MIPOL1: variants seen among roughly 807,000 people sequenced by gnomAD.
The protein encoded by MIPOL1 is mirror-image polydactyly gene 1 protein.
MIPOL1 carries 57 observed loss-of-function variants against 60.9 expected under a neutral mutation model. The ratio of observed to expected loss-of-function variants is 0.94; its 90% CI spans 0.76 to 1.17. MIPOL1 has a LOEUF of 1.17. Among genes scored for constraint, MIPOL1 ranks in the 50% most tolerant of loss-of-function variants. The pLI is 0.00. For missense variants in MIPOL1, 551 were observed against 511.6 expected (o/e 1.08, Z -0.74); for synonymous variants, 179 against 168.8 (o/e 1.06, Z -0.47).
At chr14:37,330,051 A>G (rs1205553248) in intron 9 of MIPOL1, among the ~76,000 whole-genome samples, 1 of 152,060 alleles carries the variant, frequency 6.6e-6, no homozygotes, top group Non-Finnish European at 1.5e-5. Context: ...CTTAGAAATA[A>G]ATGCTTTTGC....
Position 37,457,124 on chromosome 14 carries a change from C to G in MIPOL1, c.1031+34175C>G, listed in dbSNP as rs1004029578. On this transcript the variant is annotated intron_variant, in intron 11 of 12. Coordinates refer to ENST00000684589, the MANE Select transcript of MIPOL1 (RefSeq NM_001388067.1). ...AGCATTTGTTATAAAGAATTGGCAT[C>G]TGGGGACTTTGGTGTAGAGTATACA... Among the ~76,000 whole-genome samples, 3 of 152,068 alleles carry G rather than the reference C, an allele frequency of 2.0e-5. 1 individual carries two copies. The highest frequency in any genetic ancestry group is 4.1e-4 in the South Asian group (2 of 4,832).
intron 3 of MIPOL1, among the ~76,000 whole-genome samples, chr14:37,254,101 G>A (rs1476132512): frequency 6.6e-6 from 1 of 151,724 alleles, no homozygotes; most frequent in African/African-American, 2.4e-5. Context: ...TAGGAATACT[G>A]GCAGCTGGCC....
intron 10 of MIPOL1, among the ~76,000 whole-genome samples, chr14:37,390,629 A>G (rs2153519580): frequency 6.6e-6 from 1 of 152,272 alleles, no homozygotes; most frequent in Middle Eastern, 3.4e-3. Context: ...GAAATCAAAT[A>G]GAAATTCTAA....
chr14:37,439,872 T>G (rs1042156927), intron 11 of MIPOL1, among the ~76,000 whole-genome samples: 6 of 152,212 alleles, frequency 3.9e-5, no homozygotes, highest in Non-Finnish European at 8.8e-5. Context: ...GAATTTATTT[T>G]TTTTGAGACA....
intron 9 of MIPOL1, among the ~76,000 whole-genome samples, chr14:37,325,224 A>G (rs887786803): frequency 6.6e-6 from 1 of 152,134 alleles, no homozygotes; most frequent in East Asian, 1.9e-4. Flanking sequence ...AATGCGCTAC[A>G]TGGTTTAAAT....
chr14:37,268,630 G>A (rs781565659), intron 4 of MIPOL1, 28 bp from the exon 5 acceptor site: 8 of 1,539,400 alleles, frequency 5.2e-6, no homozygotes, highest in African/African-American at 2.8e-5. Context: ...ATCTTACTCT[G>A]AAATGTTAAT....
intron 3 of MIPOL1, among the ~76,000 whole-genome samples, chr14:37,261,060 T>G (rs917449326): frequency 4.6e-5 from 7 of 152,064 alleles, no homozygotes; most frequent in Non-Finnish European, 1.0e-4. Context: ...AAAGTTGTAT[T>G]ATTTCTGTAA....
At chr14:37,348,364 G>A (rs1166891220) in intron 9 of MIPOL1, among the ~76,000 whole-genome samples, 2 of 152,120 alleles carry the variant, frequency 1.3e-5, no homozygotes, top group African/African-American at 2.4e-5. Context: ...TTATATATAT[G>A]GTCCCAGAGA....
intron 11 of MIPOL1, among the ~76,000 whole-genome samples, chr14:37,455,359 T>G (rs938259597): frequency 6.6e-6 from 1 of 152,192 alleles, no homozygotes; most frequent in Non-Finnish European, 1.5e-5. Context: ...TTTTGTTCTC[T>G]TCAAATTCAT....
rs191202736 is a variant in MIPOL1 at position 37,343,507 on chromosome 14, T to C, written c.829-26010T>C. On this transcript the variant is annotated intron_variant, in intron 9 of 12. Coordinates refer to ENST00000684589, the MANE Select transcript of MIPOL1 (RefSeq NM_001388067.1). The stretch of plus-strand genomic sequence containing the variant: ...CTGTTTTGACTGGAAAAGTCTAATA[T>C]TATTTTTGTCTGCAAAGGAAAGAGT... 4.1e-4 allele frequency among the ~76,000 whole-genome samples: 63 copies of C among 152,304 alleles called. 1 individual carries two copies. In the East Asian group the frequency reaches 0.012, roughly 28 times the overall value.
intron 7 of MIPOL1, among the ~76,000 whole-genome samples, chr14:37,302,420 G>A (rs1011971823): frequency 6.6e-6 from 1 of 151,256 alleles, no homozygotes. Flanking sequence ...TTGGTAAAGT[G>A]TTCAGGTATT....
intron 12 of MIPOL1, among the ~76,000 whole-genome samples, chr14:37,529,750 G>A (rs2095469112): frequency 2.0e-5 from 3 of 152,192 alleles, no homozygotes; most frequent in Non-Finnish European, 4.4e-5. Flanking sequence ...AAGTAGCAGA[G>A]ATGAAGCACA....
chr14:37,496,197 C>G (rs1011046632), intron 11 of MIPOL1, among the ~76,000 whole-genome samples: 1 of 148,976 alleles, frequency 6.7e-6, no homozygotes, highest in South Asian at 2.2e-4. Flanking sequence ...CAATATCATA[C>G]TGAATGGGCA....
intron 1 of MIPOL1, among the ~76,000 whole-genome samples, chr14:37,200,800 TG>T (rs1268909508): frequency 2.0e-5 from 3 of 150,118 alleles, no homozygotes; most frequent in Non-Finnish European, 4.4e-5. Context: ...AATCAGTAAC[TG>T]AGATGGGCTA....
chr14:37,227,187 G>A (rs1053081066), intron 1 of MIPOL1, among the ~76,000 whole-genome samples: 1 of 152,142 alleles, frequency 6.6e-6, no homozygotes, highest in African/African-American at 2.4e-5. Context: ...AAATGAAAAT[G>A]GCAGTAGGGC....
At chr14:37,435,392 T>C (rs1168597485) in intron 11 of MIPOL1, among the ~76,000 whole-genome samples, 2 of 151,982 alleles carry the variant, frequency 1.3e-5, no homozygotes, top group South Asian at 4.1e-4. Flanking sequence ...AAGATCACAC[T>C]ATCTAAAATA....
At chr14:37,257,273 TACCC>T (rs1975121891) in intron 3 of MIPOL1, among the ~76,000 whole-genome samples, 1 of 151,998 alleles carries the variant, frequency 6.6e-6, no homozygotes, top group South Asian at 2.1e-4. Context: ...ACAGAATATT[TACCC>T]ATCCCTTATG....
chr14:37,353,712 C>T (rs1464619665), intron 9 of MIPOL1, among the ~76,000 whole-genome samples: 1 of 152,094 alleles, frequency 6.6e-6, no homozygotes, highest in Admixed American at 6.5e-5. Context: ...TTGTAGTATT[C>T]TCTGATGGTA....
At chr14:37,353,290 C>A (rs1456349996) in intron 9 of MIPOL1, among the ~76,000 whole-genome samples, 1 of 118,724 alleles carries the variant, frequency 8.4e-6, no homozygotes, top group Admixed American at 9.2e-5. Flanking sequence ...TTTTGATGTG[C>A]TGCTGGATTC....
Sources: allele counts gnomAD v4.1 joint callset (sites outside exome capture counted in the v4.1 genomes callset), GRCh38; gene constraint gnomAD v4.1.1; transcripts MANE v1.5; gene names NCBI Gene and HGNC (gene_info 2026-07-23, HGNC 2026-07-21).